SSPN: variants seen among roughly 807,000 people sequenced by gnomAD.
SSPN encodes the protein sarcospan, also known as K-ras oncogene-associated protein.
A neutral mutation model predicts 19.1 loss-of-function variants in SSPN; 15 were observed. The observed-to-expected ratio is 0.78, with a 90% CI of 0.52 to 1.21. The LOEUF (loss-of-function observed/expected upper bound fraction) is 1.21. Among genes scored for constraint, SSPN ranks in the 50% most tolerant of loss-of-function variants. The pLI, the probability that SSPN is intolerant of heterozygous loss-of-function variation, is 0.00. For synonymous variants in SSPN, 147 were observed against 140.3 expected (o/e 1.05, Z -0.34); for missense variants, 291 against 314.0 (o/e 0.93, Z 0.55).
chr12:26,124,823 T>A (rs1255625353), intron 1 of SSPN: 1 of 1,596,322 alleles, frequency 6.3e-7, no homozygotes, highest in Non-Finnish European at 8.6e-7. Flanking sequence ...TTTGGGGCTC[T>A]GTACAATAAT....
At position 26,205,673 on chromosome 12, in the gene SSPN, A is replaced by G. The variant is rs1944925102; in HGVS notation, c.279+9722A>G. ...CTTGCAGGAGGACTGTGCCTACCTC[A>G]GGAAGATAGTGGGGCACCCAAGGCA... On this transcript the variant is annotated intron_variant, in intron 1 of 2. Coordinates refer to ENST00000242729, the MANE Select transcript of SSPN (RefSeq NM_005086.5). Among the ~76,000 whole-genome samples the G allele has an allele frequency of 3.9e-5, 6 of 152,322 alleles. No homozygotes were observed. In the South Asian group the frequency reaches 1.2e-3, roughly 32 times the overall value.
At chr12:26,204,796 C>T (rs1944916965) in intron 1 of SSPN, among the ~76,000 whole-genome samples, 1 of 152,172 alleles carries the variant, frequency 6.6e-6, no homozygotes, top group Non-Finnish European at 1.5e-5. Flanking sequence ...CTGTATTGCA[C>T]AAACCCAAGC....
At chr12:26,208,923 A>G (rs1220355557) in intron 1 of SSPN, among the ~76,000 whole-genome samples, 1 of 152,146 alleles carries the variant, frequency 6.6e-6, no homozygotes, top group East Asian at 1.9e-4. Context: ...GGCTATCACT[A>G]TGCCAATACC....
At chr12:26,184,200 A>C (rs1362533365) in intron 1 of SSPN, among the ~76,000 whole-genome samples, 1 of 152,216 alleles carries the variant, frequency 6.6e-6, no homozygotes, top group African/African-American at 2.4e-5. Flanking sequence ...AGAGTAAGGA[A>C]TTCCTTTTTG....
chr12:26,154,620 C>G (rs1944545421), intron 1 of SSPN, among the ~76,000 whole-genome samples: 1 of 152,148 alleles, frequency 6.6e-6, no homozygotes, highest in Non-Finnish European at 1.5e-5. Context: ...GGGGAAGTTA[C>G]TTAACCTTTC....
intron 1 of SSPN, chr12:26,125,039 C>A (rs928807611): frequency 2.3e-5 from 13 of 573,076 alleles, no homozygotes; most frequent in African/African-American, 2.2e-4. Flanking sequence ...CAGTGTTTGG[C>A]CACAGGGCAC....
At chr12:26,163,884 G>T (rs770433194) in intron 1 of SSPN, among the ~76,000 whole-genome samples, 16 of 152,114 alleles carry the variant, frequency 1.1e-4, no homozygotes, top group Non-Finnish European at 1.8e-4. Context: ...AATTACTAGT[G>T]AACTCCACTG....
chr12:26,139,973 C>T (rs1264691357), intron 1 of SSPN, among the ~76,000 whole-genome samples: 2 of 152,136 alleles, frequency 1.3e-5, no homozygotes, highest in African/African-American at 4.8e-5. Flanking sequence ...TCTTGCCCTC[C>T]TCTCTTGTCT....
chr12:26,162,655 A>G (rs1944596314), intron 1 of SSPN, among the ~76,000 whole-genome samples: 1 of 152,246 alleles, frequency 6.6e-6, no homozygotes. Flanking sequence ...TAAACTTCAA[A>G]ACACGGCATG....
At chr12:26,181,485 G>C (rs1944718546) in intron 1 of SSPN, among the ~76,000 whole-genome samples, 1 of 152,080 alleles carries the variant, frequency 6.6e-6, no homozygotes, top group African/African-American at 2.4e-5. Flanking sequence ...TTTCTCAGTG[G>C]TGGCTTAAAA....
chr12:26,122,415 A>T lies in SSPN; in HGVS notation c.-31+263A>T. On this transcript the variant is annotated intron_variant, in intron 1 of 2. Coordinates refer to the SSPN transcript ENST00000538142. ...ATACTTCTCCAGGCCGCTCTTGTCC[A>T]GGAAGGGCTGCACGTAGGCGGCAGC... 7.6e-7 allele frequency: 1 copy of T among 1,318,198 alleles called. No homozygotes were observed. Among genetic ancestry groups the T allele is most frequent in the Non-Finnish European group, 9.8e-7 (1 of 1,023,950 alleles). The allele number at this position is 1,318,198 out of a possible 1,614,324, so 81.7% of individuals were successfully genotyped here.
chr12:26,165,242 A>C (rs1250046353), intron 1 of SSPN, among the ~76,000 whole-genome samples: 2 of 152,222 alleles, frequency 1.3e-5, no homozygotes, highest in Non-Finnish European at 2.9e-5. Flanking sequence ...TCGGGTCTCA[A>C]ATTCCGTCTA....
In SSPN at chr12:26,195,916, C is replaced by A; in HGVS notation, c.244C>A (p.Leu82Ile). 6.4e-7 allele frequency: 1 copy of A among 1,571,896 alleles called. No homozygotes were observed. Among genetic ancestry groups the A allele is most frequent in the South Asian group, 1.2e-5 (1 of 84,678 alleles). The change falls in exon 1 of 3, where the codon CTA becomes ATA. Residue 82 changes from leucine (L) to isoleucine (I), a missense_variant. Around this residue, in one of 3 missense-constraint regions of SSPN, gnomAD observed 139 missense variants for 119.6 expected, o/e 1.16. Transcript: ENST00000242729. ...FLMASISSSL[L>I]VRDTPFWAGI... is the part of the protein sequence containing the mutation. ...CATGGCGAGCATCAGCTCCTCCCTG[C>A]TAGTCAGGGACACTCCATTTTGGGC...
At chr12:26,148,438 T>A (rs192877574) in intron 1 of SSPN, among the ~76,000 whole-genome samples, 1 of 152,202 alleles carries the variant, frequency 6.6e-6, no homozygotes. Context: ...GAACTGAATT[T>A]TTGAGATAAA....
At chr12:26,146,434 T>C (rs903726304) in intron 1 of SSPN, among the ~76,000 whole-genome samples, 1 of 152,138 alleles carries the variant, frequency 6.6e-6, no homozygotes, top group Non-Finnish European at 1.5e-5. Context: ...CACCTAGAAG[T>C]GATTCTTTCC....
rs1945257233 is a variant in SSPN at position 26,233,475 on chromosome 12, CAG to C, written c.*2401_*2402del. 1.3e-5 allele frequency: 2 copies of C among 151,778 alleles called. No homozygotes were observed. Among genetic ancestry groups the C allele is most frequent in the Admixed American group, 1.3e-4 (2 of 15,234 alleles). 9.4% of individuals were successfully genotyped at this position (151,778 alleles called of 1,614,324 possible). On this transcript the variant is annotated 3_prime_UTR_variant, in exon 3 of 3. Coordinates refer to ENST00000242729, the MANE Select transcript of SSPN (RefSeq NM_005086.5). This position sits in a 1 kb window ranked among gnomAD's most constrained non-coding sequence, Gnocchi z 4.3. ...TCATAAACAAATAGAAAGAACTAAA[CAG>C]AAAAGAAAGAAAGAAAAGATCCCTT... is the stretch of plus-strand genomic sequence containing the variant.
chr12:26,232,756 C>G lies in SSPN; in HGVS notation c.*1680C>G. 1.0e-6 allele frequency: 1 copy of G among 977,114 alleles called. No individual in the cohort carries two copies. The highest frequency in any genetic ancestry group is 1.2e-6 in the Non-Finnish European group (1 of 822,606). 60.5% of individuals were successfully genotyped at this position (977,114 alleles called of 1,614,324 possible). A position where few individuals can be genotyped will look rare whatever the true frequency, so the allele number is the denominator to read the frequency against. On this transcript the variant is annotated 3_prime_UTR_variant, in exon 3 of 3. Transcript: ENST00000242729. ...AAACACCCGATTAACAGATGTTAAA[C>G]CTTTTAATGTTTTGATTTGCTTTAA...
In SSPN at chr12:26,232,934, T is replaced by TAAAAAAAAAAAAAAAA. The variant is rs34314422; in HGVS notation, c.*1864_*1879dup. ...ACCTGTAAAATACCTTGTGCCCTAT[T>TAAAAAAAAAAAAAAAA]AAAAAAAAAAAAAAAAAAAAAGCCA... On this transcript the variant is annotated 3_prime_UTR_variant, in exon 3 of 3. Coordinates refer to ENST00000242729, the MANE Select transcript of SSPN (RefSeq NM_005086.5). The TAAAAAAAAAAAAAAAA allele has an allele frequency of 2.5e-5, 2 of 81,346 alleles. No homozygotes were observed. Among genetic ancestry groups the TAAAAAAAAAAAAAAAA allele is most frequent in the African/African-American group, 1.0e-4 (2 of 19,226 alleles). 5.0% of individuals were successfully genotyped at this position (81,346 alleles called of 1,614,324 possible). A position where few individuals can be genotyped will look rare whatever the true frequency, so the allele number is the denominator to read the frequency against.
At chr12:26,189,844 T>A (rs1006722545) in intron 1 of SSPN, among the ~76,000 whole-genome samples, 2 of 152,248 alleles carry the variant, frequency 1.3e-5, no homozygotes, top group Non-Finnish European at 2.9e-5. Context: ...GTGATTTCTC[T>A]GTGGAGTTCA....
Sources: allele counts gnomAD v4.1 joint callset (sites outside exome capture counted in the v4.1 genomes callset), GRCh38; gene constraint gnomAD v4.1.1; regional missense constraint gnomAD v4.1.1; non-coding constraint Gnocchi (gnomAD v3.1); transcripts MANE v1.5; gene names NCBI Gene and HGNC (gene_info 2026-07-23, HGNC 2026-07-21).